LCORL: variants seen among roughly 807,000 people sequenced by gnomAD.
LCORL encodes the protein ligand-dependent nuclear receptor corepressor-like protein.
Under a neutral mutation model 141.8 loss-of-function variants are expected in LCORL, and 41 were observed. That is an observed-to-expected ratio of 0.29 (90% CI 0.23 to 0.38). The LOEUF is 0.38. LCORL is among the 10% of genes least tolerant of loss of function. LCORL has a pLI of 1.00. For missense variants in LCORL, 1,759 were observed against 2,035.0 expected, an observed-to-expected ratio of 0.86 and a Z score of 2.61; for synonymous variants, 618 against 694.1, an observed-to-expected ratio of 0.89 and a Z score of 1.72.
chr4:17,853,049 A>ATTTTTTTTTTTTTTTTTTTT (rs67695626), intron 7 of LCORL, among the ~76,000 whole-genome samples: 1 of 125,204 alleles, frequency 8.0e-6, no homozygotes. Context: ...TAAAAGCTTG[A>ATTTTTTTTTTTTTTTTTTTT]TTTTTTTTTT....
At chr4:17,887,633 G>C (rs1577332137) in intron 5 of LCORL, among the ~76,000 whole-genome samples, 1 of 152,320 alleles carries the variant, frequency 6.6e-6, no homozygotes, top group Non-Finnish European at 1.5e-5. Flanking sequence ...AATGTTATAG[G>C]AAGAGGTTAA....
intron 7 of LCORL, among the ~76,000 whole-genome samples, chr4:17,872,015 A>G (rs527837049): frequency 6.6e-6 from 1 of 152,206 alleles, no homozygotes; most frequent in South Asian, 2.1e-4. Flanking sequence ...TGCTTTTACT[A>G]TTTTAATATA....
At chr4:17,874,606 T>C in exon 7 of LCORL, 3 of 1,233,852 alleles carry the variant, frequency 2.4e-6, no homozygotes, top group Middle Eastern at 2.1e-4. Context: ...TTTTTATGAA[T>C]ACAATTTTCA....
chr4:17,889,059 C>T (rs1728698820), intron 5 of LCORL, among the ~76,000 whole-genome samples: 1 of 152,046 alleles, frequency 6.6e-6, no homozygotes, highest in Non-Finnish European at 1.5e-5. Flanking sequence ...GGTACAGGAA[C>T]CCCTTTCTCT....
chr4:17,951,945 C>T (rs1380026088), intron 4 of LCORL, among the ~76,000 whole-genome samples: 1 of 152,080 alleles, frequency 6.6e-6, no homozygotes, highest in African/African-American at 2.4e-5. Context: ...TACAAGAACA[C>T]ACAGGTGATG....
chr4:17,952,156 T>C (rs968251159), intron 4 of LCORL, among the ~76,000 whole-genome samples: 5 of 152,146 alleles, frequency 3.3e-5, no homozygotes, highest in African/African-American at 1.2e-4. Context: ...ATATATTAAA[T>C]ATAGGCTAAT....
At chr4:17,885,337 C>G (rs1384037576) in intron 6 of LCORL, among the ~76,000 whole-genome samples, 2 of 151,824 alleles carry the variant, frequency 1.3e-5, no homozygotes, top group Non-Finnish European at 2.9e-5. Flanking sequence ...GTCACTATTT[C>G]AAATTATCAT....
exon 8 of LCORL, chr4:17,843,336 A>C: frequency 6.2e-7 from 1 of 1,612,052 alleles, no homozygotes; most frequent in Non-Finnish European, 8.5e-7. Flanking sequence ...ATCAGAAATG[A>C]AGATGAGACT....
chr4:17,876,342 G>T, exon 7 of LCORL: 1 of 1,230,884 alleles, frequency 8.1e-7, no homozygotes, highest in Non-Finnish European at 1.0e-6. Context: ...TCTATTTAGA[G>T]TAAGAGTCAT....
At chr4:17,986,437 G>C (rs1216296485) in intron 1 of LCORL, among the ~76,000 whole-genome samples, 4 of 152,134 alleles carry the variant, frequency 2.6e-5, no homozygotes, top group Non-Finnish European at 4.4e-5. Context: ...ATATTTGTTG[G>C]AGACTTTGTT....
intron 5 of LCORL, among the ~76,000 whole-genome samples, chr4:17,899,814 T>C (rs576179677): frequency 6.6e-6 from 1 of 152,250 alleles, no homozygotes; most frequent in South Asian, 2.1e-4. Context: ...GTACTTAACA[T>C]GAACTGCTTC....
At chr4:17,938,003 C>CTTTTT (rs201471488) in intron 4 of LCORL, among the ~76,000 whole-genome samples, 5 of 131,570 alleles carry the variant, frequency 3.8e-5, no homozygotes, top group African/African-American at 1.1e-4. Context: ...TAAACAATTT[C>CTTTTT]TTTTTTTTTT....
At chr4:17,930,369 T>C (rs1271071806) in intron 4 of LCORL, among the ~76,000 whole-genome samples, 2 of 152,186 alleles carry the variant, frequency 1.3e-5, no homozygotes, top group African/African-American at 4.8e-5. Flanking sequence ...TTTTCTACTG[T>C]TTAATTGCAC....
intron 7 of LCORL, among the ~76,000 whole-genome samples, chr4:17,860,651 A>G (rs1724894995): frequency 6.6e-6 from 1 of 152,186 alleles, no homozygotes; most frequent in African/African-American, 2.4e-5. Flanking sequence ...TTATTTCAGC[A>G]TTAATTCAAA....
At chr4:17,882,226 C>A in intron 6 of LCORL, 2 of 984,518 alleles carry the variant, frequency 2.0e-6, no homozygotes, top group Non-Finnish European at 2.4e-6. Flanking sequence ...ACAAGGTGCA[C>A]TTATTTTTTA....
exon 3 of LCORL, chr4:17,962,971 C>G (rs768807482): frequency 1.9e-6 from 3 of 1,549,782 alleles, no homozygotes. Flanking sequence ...AAAACTTACA[C>G]TGACTGCTTC....
At chr4:18,016,254 A>G (rs1430672964) in intron 1 of LCORL, among the ~76,000 whole-genome samples, 1 of 152,190 alleles carries the variant, frequency 6.6e-6, no homozygotes, top group Non-Finnish European at 1.5e-5. Context: ...ATTAGCAAAC[A>G]ACCTGATTAT....
chr4:17,886,774 AC>A (rs1279062638), intron 5 of LCORL, among the ~76,000 whole-genome samples: 3 of 152,094 alleles, frequency 2.0e-5, no homozygotes. Flanking sequence ...CGATAATGCA[AC>A]TTTAGAAAAA....
intron 1 of LCORL, among the ~76,000 whole-genome samples, chr4:17,998,985 AATAT>A (rs1274746631): frequency 3.5e-4 from 20 of 57,890 alleles, no homozygotes; most frequent in African/African-American, 7.9e-4. Context: ...AAAAAAAAAA[AATAT>A]ATATATATAT....
Sources: gnomAD v4.1 joint callset for allele counts (sites outside exome capture counted in the v4.1 genomes callset) on GRCh38, gnomAD v4.1.1 for gene constraint, MANE v1.5 for transcripts, NCBI Gene and HGNC (gene_info 2026-07-23, HGNC 2026-07-21) for gene names.